CELF4: variants seen among roughly 807,000 people sequenced by gnomAD.
The protein encoded by CELF4 is CUG-BP- and ETR-3-like factor 4.
Under a neutral mutation model 59.9 loss-of-function variants are expected in CELF4, and 18 were observed. The observed-to-expected ratio is 0.30, with a 90% CI of 0.21 to 0.45. The LOEUF (loss-of-function observed/expected upper bound fraction) is 0.45. Ranked by LOEUF, CELF4 falls within the 20% of genes least tolerant of loss-of-function variation. The pLI is 1.00. For synonymous variants in CELF4, 261 were observed against 267.1 expected (o/e 0.98, Z 0.22); for missense variants, 456 against 689.0 (o/e 0.66, Z 3.79).
chr18:37,390,237 G>A (rs948810875), intron 2 of CELF4, among the ~76,000 whole-genome samples: 3 of 152,180 alleles, frequency 2.0e-5, no homozygotes, highest in African/African-American at 4.8e-5. Flanking sequence ...GTGTGGCTGC[G>A]TGTCGTGTCA....
chr18:37,549,066 C>T (rs1394667171), intron 1 of CELF4, among the ~76,000 whole-genome samples: 5 of 152,328 alleles, frequency 3.3e-5, no homozygotes, highest in South Asian at 2.1e-4. Flanking sequence ...CGGGGCCAGT[C>T]GCTCCCAGAG....
chr18:37,454,741 G>A (rs1229752592), intron 2 of CELF4, among the ~76,000 whole-genome samples: 2 of 152,056 alleles, frequency 1.3e-5, no homozygotes, highest in Non-Finnish European at 2.9e-5. Context: ...CTCCACTGGC[G>A]GTTGTTAACA....
chr18:37,263,596 C>A (rs1022046330), intron 10 of CELF4, among the ~76,000 whole-genome samples: 2 of 151,976 alleles, frequency 1.3e-5, no homozygotes, highest in Non-Finnish European at 2.9e-5. Flanking sequence ...CCAGACGGTG[C>A]GCCTGTTCAT....
At chr18:37,259,078 C>T (rs1378157400) in intron 11 of CELF4, 103 bp downstream of exon 11, 1 of 1,577,768 alleles carries the variant, frequency 6.3e-7, no homozygotes, top group Non-Finnish European at 8.6e-7. Context: ...GCGAGCACCG[C>T]CCTGTCCTAG....
intron 3 of CELF4, among the ~76,000 whole-genome samples, chr18:37,319,843 A>T (rs993788082): frequency 5.3e-5 from 8 of 152,196 alleles, no homozygotes; most frequent in Admixed American, 2.0e-4. Flanking sequence ...GTGAACAGGG[A>T]CACTTGGGCC....
At chr18:37,427,083 GC>G (rs2099619231) in intron 2 of CELF4, among the ~76,000 whole-genome samples, 1 of 151,494 alleles carries the variant, frequency 6.6e-6, no homozygotes, top group Non-Finnish European at 1.5e-5. Context: ...CACCATGGCA[GC>G]AGCATAGAGC....
At chr18:37,275,321 G>A (rs1453627635) in intron 3 of CELF4, 78 bp from the exon 4 acceptor site, 3 of 1,517,822 alleles carry the variant, frequency 2.0e-6, no homozygotes, top group East Asian at 5.2e-5. Flanking sequence ...GAGGGGGAGA[G>A]CGGCAGGGAA....
At chr18:37,282,267 G>T (rs2094237878) in intron 3 of CELF4, among the ~76,000 whole-genome samples, 1 of 152,116 alleles carries the variant, frequency 6.6e-6, no homozygotes, top group Non-Finnish European at 1.5e-5. Flanking sequence ...GAGCAAAGTT[G>T]TGCCAGCCCA....
chr18:37,555,943 AG>A (rs2099984655), intron 1 of CELF4, among the ~76,000 whole-genome samples: 1 of 152,148 alleles, frequency 6.6e-6, no homozygotes, highest in African/African-American at 2.4e-5. Flanking sequence ...CGTGTATGTA[AG>A]TGTGCGTGTG....
chr18:37,457,969 C>A (rs1331513909), intron 2 of CELF4, among the ~76,000 whole-genome samples: 2 of 152,182 alleles, frequency 1.3e-5, no homozygotes, highest in Non-Finnish European at 1.5e-5. Context: ...CGAGCTGATT[C>A]ACACCGAGGT....
At chr18:37,384,689 T>G (rs967314680) in intron 2 of CELF4, among the ~76,000 whole-genome samples, 13 of 152,132 alleles carry the variant, frequency 8.5e-5, no homozygotes, top group African/African-American at 2.9e-4. Flanking sequence ...GTAGGAGAAA[T>G]AAATGGGGAA....
chr18:37,244,738 A>G lies in CELF4; in HGVS notation c.*504T>C, dbSNP rs1456547310. ...AAAAAGTTTGGTCCTTTGGTCCCTA[A>G]ATAGCTAAAGGAATGACAGATAGAG... On this transcript the variant is annotated 3_prime_UTR_variant, in exon 13 of 13. Coordinates refer to ENST00000420428, the MANE Select transcript of CELF4 (RefSeq NM_020180.4). The G allele has an allele frequency of 6.6e-6, 1 of 152,574 alleles. No individual in the cohort carries two copies. Among genetic ancestry groups the G allele is most frequent in the Admixed American group, 6.5e-5 (1 of 15,272 alleles). The allele number at this position is 152,574 out of a possible 1,614,324, so 9.5% of individuals were successfully genotyped here.
chr18:37,526,331 A>G (rs1384602110), intron 1 of CELF4, among the ~76,000 whole-genome samples: 1 of 152,240 alleles, frequency 6.6e-6, no homozygotes, highest in African/African-American at 2.4e-5. Flanking sequence ...GCAAACTGCT[A>G]TGAACTTATT....
intron 1 of CELF4, among the ~76,000 whole-genome samples, chr18:37,488,049 G>A (rs2154603309): frequency 6.6e-6 from 1 of 151,574 alleles, no homozygotes; most frequent in East Asian, 2.0e-4. Flanking sequence ...CCCCCCAGGT[G>A]CACTCTGTCT....
At chr18:37,250,269 C>T (rs2064683819) in intron 12 of CELF4, among the ~76,000 whole-genome samples, 1 of 152,168 alleles carries the variant, frequency 6.6e-6, no homozygotes, top group Non-Finnish European at 1.5e-5. Flanking sequence ...CAAACCCAAG[C>T]CACCAGAGGG....
At chr18:37,436,425 T>C (rs1350370173) in intron 2 of CELF4, among the ~76,000 whole-genome samples, 2 of 152,162 alleles carry the variant, frequency 1.3e-5, no homozygotes, top group Non-Finnish European at 2.9e-5. Flanking sequence ...ACAGAGCTGG[T>C]ATCATATTCA....
intron 10 of CELF4, among the ~76,000 whole-genome samples, chr18:37,259,618 C>A (rs1348721680): frequency 6.6e-6 from 1 of 152,144 alleles, no homozygotes; most frequent in African/African-American, 2.4e-5. Context: ...ATAGGGAAGG[C>A]CCAGGAGATC....
chr18:37,556,769 G>A (rs35705754), intron 1 of CELF4, among the ~76,000 whole-genome samples: 3,107 of 152,268 alleles, frequency 0.02, 43 homozygotes, highest in Non-Finnish European at 0.032. Flanking sequence ...CAGACATAGT[G>A]TATGAATAAA....
intron 2 of CELF4, among the ~76,000 whole-genome samples, chr18:37,413,966 G>C (rs1352160580): frequency 6.6e-6 from 1 of 152,194 alleles, no homozygotes; most frequent in South Asian, 2.1e-4. Flanking sequence ...CCCATCTTAA[G>C]GGTCTGTCAA....
Sources: allele counts gnomAD v4.1 joint callset (sites outside exome capture counted in the v4.1 genomes callset), GRCh38; gene constraint gnomAD v4.1.1; transcripts MANE v1.5; gene names NCBI Gene and HGNC (gene_info 2026-07-23, HGNC 2026-07-21).